The following SDHAF3 variants were observed in gnomAD, a reference collection of about 807,000 sequenced individuals.
The protein encoded by SDHAF3 is succinate dehydrogenase complex assembly factor 3.
In SDHAF3, 18 loss-of-function variants were observed where a neutral mutation model predicts 11.5. The ratio of observed to expected loss-of-function variants is 1.56; its 90% confidence interval spans 1.08 to 2.32. The LOEUF (loss-of-function observed/expected upper bound fraction) is 2.32, where lower values mean the gene tolerates loss of function less well. Among genes scored for constraint, SDHAF3 ranks in the 30% most tolerant of loss-of-function variants. The pLI is 0.00. For synonymous variants in SDHAF3, 72 were observed against 59.3 expected, an observed-to-expected ratio of 1.21 and a Z score of -0.99; for missense variants, 200 against 154.4, an observed-to-expected ratio of 1.30 and a Z score of -1.57.
At chr7:97,138,067 G>A (rs560678794) in intron 1 of SDHAF3, among the ~76,000 whole-genome samples, 11 of 151,370 alleles carry the variant, frequency 7.3e-5, no homozygotes, top group East Asian at 5.8e-4. Flanking sequence ...GTTTCACCGC[G>A]TTGGCTAGTC....
intron 1 of SDHAF3, among the ~76,000 whole-genome samples, chr7:97,141,715 C>CGA (rs1448907542): frequency 6.6e-6 from 1 of 152,090 alleles, no homozygotes; most frequent in Non-Finnish European, 1.5e-5. Context: ...AGGATGGTCT[C>CGA]TATCTCCTGA....
chr7:97,148,749 G>A (rs749968002), intron 1 of SDHAF3, among the ~76,000 whole-genome samples: 2 of 151,992 alleles, frequency 1.3e-5, no homozygotes, highest in Non-Finnish European at 2.9e-5. Context: ...TTATATGTGC[G>A]TAAGATAACC....
intron 1 of SDHAF3, among the ~76,000 whole-genome samples, chr7:97,170,458 C>T (rs1300081094): frequency 6.6e-6 from 1 of 151,960 alleles, no homozygotes; most frequent in Non-Finnish European, 1.5e-5. Flanking sequence ...TTTCTGGGAA[C>T]TTTGGGATGA....
At chr7:97,130,351 G>A (rs964622497) in intron 1 of SDHAF3, among the ~76,000 whole-genome samples, 10 of 150,732 alleles carry the variant, frequency 6.6e-5, no homozygotes, top group African/African-American at 2.2e-4. Context: ...CAAAAACACC[G>A]ACAATGAGTA....
At chr7:97,178,031 C>T (rs139996263) in intron 1 of SDHAF3, among the ~76,000 whole-genome samples, 44 of 152,226 alleles carry the variant, frequency 2.9e-4, no homozygotes, top group East Asian at 1.9e-3. Flanking sequence ...CTCACCCAAA[C>T]GGAAACTCGG....
intron 1 of SDHAF3, among the ~76,000 whole-genome samples, chr7:97,177,480 C>G (rs2115753160): frequency 6.6e-6 from 1 of 152,024 alleles, no homozygotes; most frequent in East Asian, 1.9e-4. Flanking sequence ...CCAGCTTGGG[C>G]AACAGAGCGA....
intron 1 of SDHAF3, among the ~76,000 whole-genome samples, chr7:97,144,187 T>A (rs1476637237): frequency 2.2e-5 from 3 of 135,708 alleles, no homozygotes; most frequent in Non-Finnish European, 4.5e-5. Context: ...GGATTGTTTG[T>A]TTTTTTCTTA....
At chr7:97,168,737 TTG>T (rs1789555404) in intron 1 of SDHAF3, among the ~76,000 whole-genome samples, 1 of 152,226 alleles carries the variant, frequency 6.6e-6, no homozygotes, top group African/African-American at 2.4e-5. Context: ...CACTTGGCTT[TTG>T]TGTTTTCTTC....
chr7:97,160,806 G>A (rs1789396502), intron 1 of SDHAF3, among the ~76,000 whole-genome samples: 1 of 152,188 alleles, frequency 6.6e-6, no homozygotes, highest in Non-Finnish European at 1.5e-5. Flanking sequence ...TGAAGCCTGA[G>A]CTTTGGAGAA....
chr7:97,173,965 G>A (rs948393666), intron 1 of SDHAF3, among the ~76,000 whole-genome samples: 5 of 151,582 alleles, frequency 3.3e-5, no homozygotes, highest in Admixed American at 6.6e-5. Flanking sequence ...GTGTCACCAG[G>A]CTGGAGTGCA....
intron 1 of SDHAF3, among the ~76,000 whole-genome samples, chr7:97,173,749 T>C (rs1324442389): frequency 1.3e-5 from 2 of 151,900 alleles, no homozygotes; most frequent in African/African-American, 4.8e-5. Flanking sequence ...AGACGAGGTT[T>C]CACTGTGTTA....
At chr7:97,143,454 C>T (rs1324053135) in intron 1 of SDHAF3, among the ~76,000 whole-genome samples, 1 of 151,992 alleles carries the variant, frequency 6.6e-6, no homozygotes. Flanking sequence ...CCTCACACCC[C>T]TCCCACTCTT....
chr7:97,172,111 T>G (rs1328233985), intron 1 of SDHAF3, among the ~76,000 whole-genome samples: 2 of 152,146 alleles, frequency 1.3e-5, no homozygotes, highest in African/African-American at 4.8e-5. Context: ...TGAAAAACTA[T>G]TCTTCAAAAG....
intron 1 of SDHAF3, among the ~76,000 whole-genome samples, chr7:97,139,324 T>C (rs1788991198): frequency 6.6e-6 from 1 of 152,156 alleles, no homozygotes; most frequent in Non-Finnish European, 1.5e-5. Context: ...CACCCGGAGA[T>C]GGGCAGTTCC....
At chr7:97,151,820 G>A (rs186063183) in intron 1 of SDHAF3, among the ~76,000 whole-genome samples, 11 of 152,128 alleles carry the variant, frequency 7.2e-5, no homozygotes, top group African/African-American at 2.6e-4. Flanking sequence ...TCTTTTTCCT[G>A]TGGTACGGTC....
intron 1 of SDHAF3, among the ~76,000 whole-genome samples, chr7:97,133,947 GAAT>G (rs1343052123): frequency 2.6e-5 from 4 of 152,168 alleles, no homozygotes; most frequent in Non-Finnish European, 5.9e-5. Flanking sequence ...GCCAAAACTG[GAAT>G]ATTATTGTAC....
At chr7:97,170,120 G>T in intron 1 of SDHAF3, among the ~76,000 whole-genome samples, 1 of 151,368 alleles carries the variant, frequency 6.6e-6, no homozygotes, top group South Asian at 2.1e-4. Context: ...TAACGTAACA[G>T]CTTTACTGTG....
chr7:97,144,551 C>T (rs1283633702), intron 1 of SDHAF3, among the ~76,000 whole-genome samples: 1 of 152,178 alleles, frequency 6.6e-6, no homozygotes, highest in Non-Finnish European at 1.5e-5. Flanking sequence ...ATTATTCTAG[C>T]ACCATTTGTT....
intron 1 of SDHAF3, among the ~76,000 whole-genome samples, chr7:97,118,262 G>GTTCTC (rs1388208381): frequency 6.6e-6 from 1 of 152,070 alleles, no homozygotes; most frequent in African/African-American, 2.4e-5. Flanking sequence ...TAAATTAATG[G>GTTCTC]TTCTCTTATT....
Sources: allele counts gnomAD v4.1 joint callset (sites outside exome capture counted in the v4.1 genomes callset), GRCh38; gene constraint gnomAD v4.1.1; transcripts MANE v1.5; gene names NCBI Gene and HGNC (gene_info 2026-07-23, HGNC 2026-07-21).